Variants in TNFRSF19 observed in about 807,000 individuals in gnomAD.
TNFRSF19 encodes tumor necrosis factor receptor superfamily member 19.
TNFRSF19 carries 27 observed loss-of-function variants against 46.4 expected under a neutral mutation model. The observed-to-expected ratio is 0.58, with a 90% confidence interval of 0.43 to 0.80. The LOEUF is 0.80. Ranked by LOEUF, TNFRSF19 falls within the 30% of genes least tolerant of loss-of-function variation. The pLI is 0.00. For synonymous variants in TNFRSF19, 204 were observed against 205.0 expected, an observed-to-expected ratio of 1.00 and a Z score of 0.04; for missense variants, 511 against 530.8, an observed-to-expected ratio of 0.96 and a Z score of 0.37.
chr13:23,624,467 T>C (rs1310042703), intron 4 of TNFRSF19, among the ~76,000 whole-genome samples: 1 of 152,160 alleles, frequency 6.6e-6, no homozygotes, highest in Non-Finnish European at 1.5e-5. Context: ...AATTTCTGAA[T>C]GTATCTGGGC....
chr13:23,616,892 T>TA (rs1021724114), intron 4 of TNFRSF19, among the ~76,000 whole-genome samples: 2 of 152,236 alleles, frequency 1.3e-5, no homozygotes, highest in African/African-American at 4.8e-5. Flanking sequence ...TATAGGGTTT[T>TA]AAAAAATATT....
At chr13:23,606,668 A>T (rs1271739956) in intron 3 of TNFRSF19, among the ~76,000 whole-genome samples, 1 of 152,242 alleles carries the variant, frequency 6.6e-6, no homozygotes, top group Non-Finnish European at 1.5e-5. Context: ...GTTATAAATC[A>T]TATATTTTGC....
chr13:23,669,606 G>A, intron 9 of TNFRSF19: 1 of 985,208 alleles, frequency 1.0e-6, no homozygotes. Flanking sequence ...GATTGATTTG[G>A]CTGGAAATTG....
At chr13:23,638,156 G>A (rs572568407) in intron 5 of TNFRSF19, among the ~76,000 whole-genome samples, 1 of 87,430 alleles carries the variant, frequency 1.1e-5, no homozygotes, top group South Asian at 2.9e-4. Context: ...GATAAACACA[G>A]CAAGACGTTA....
At position 23,674,014 on chromosome 13, in the gene TNFRSF19, T is replaced by C. The variant is rs1951793487; in HGVS notation, c.*634T>C. 6.6e-6 allele frequency: 1 copy of C among 152,160 alleles called. No homozygotes were observed. Among genetic ancestry groups the C allele is most frequent in the Non-Finnish European group, 1.5e-5 (1 of 68,036 alleles). The allele number at this position is 152,160 out of a possible 1,614,324, so 9.4% of individuals were successfully genotyped here. On this transcript the variant is annotated 3_prime_UTR_variant, in exon 10 of 10. Coordinates refer to ENST00000248484, the MANE Select transcript of TNFRSF19 (RefSeq NM_148957.4). ...GAATCAGACAGAGGAGGATAGCTCT[T>C]TCCAGAATCCACACTTCTGACCTCA...
intron 5 of TNFRSF19, among the ~76,000 whole-genome samples, chr13:23,629,874 T>C (rs1293792445): frequency 6.6e-6 from 1 of 152,154 alleles, no homozygotes; most frequent in Non-Finnish European, 1.5e-5. Context: ...GGTCTGCTGC[T>C]TTGGAGTTGT....
chr13:23,626,981 C>T (rs1042478961), intron 5 of TNFRSF19, among the ~76,000 whole-genome samples, 189 bp downstream of exon 5: 2 of 152,188 alleles, frequency 1.3e-5, no homozygotes, highest in African/African-American at 2.4e-5. Context: ...AGTCAGCAAA[C>T]CGGTCCCAGG....
At chr13:23,672,160 A>G (rs1222881887) in intron 9 of TNFRSF19, among the ~76,000 whole-genome samples, 1 of 152,216 alleles carries the variant, frequency 6.6e-6, no homozygotes, top group Non-Finnish European at 1.5e-5. Context: ...ATTTAAGATG[A>G]CCCATAATCT....
At chr13:23,662,518 T>C (rs1426296800) in intron 7 of TNFRSF19, among the ~76,000 whole-genome samples, 2 of 152,230 alleles carry the variant, frequency 1.3e-5, no homozygotes, top group Non-Finnish European at 2.9e-5. Flanking sequence ...AGGGTCTATT[T>C]TGGTTCCATA....
chr13:23,605,391 G>A (rs1880441297), intron 3 of TNFRSF19, among the ~76,000 whole-genome samples: 1 of 152,182 alleles, frequency 6.6e-6, no homozygotes, highest in African/African-American at 2.4e-5. Flanking sequence ...CAGCCATTTG[G>A]AAGACAACTT....
At chr13:23,635,946 A>T (rs1882648588) in intron 5 of TNFRSF19, among the ~76,000 whole-genome samples, 1 of 152,234 alleles carries the variant, frequency 6.6e-6, no homozygotes, top group Non-Finnish European at 1.5e-5. Context: ...TGTATAACTT[A>T]TGTAATCATT....
intron 3 of TNFRSF19, chr13:23,594,308 C>T: frequency 2.2e-6 from 1 of 452,074 alleles, no homozygotes; most frequent in Non-Finnish European, 4.4e-6. Flanking sequence ...TGGTCTAGCT[C>T]AGCAGATCCA....
At chr13:23,664,033 G>T (rs1275967486) in intron 7 of TNFRSF19, among the ~76,000 whole-genome samples, 2 of 151,934 alleles carry the variant, frequency 1.3e-5, no homozygotes, top group African/African-American at 2.4e-5. Context: ...CTTGTCTTCT[G>T]CTGGCTTTAG....
In TNFRSF19 at chr13:23,651,642, G is replaced by A. The variant is rs2138366418; in HGVS notation, c.446-7408G>A. ...GCTTTAAAATAACACATAAAATGAAGTTTATAAGCCATATGTTGTTTTTTA... is the reference window on the plus strand; with the variant it reads ...GCTTTAAAATAACACATAAAATGAAATTTATAAGCCATATGTTGTTTTTTA... On this transcript the variant is annotated intron_variant, in intron 5 of 9. Coordinates refer to ENST00000248484, the MANE Select transcript of TNFRSF19 (RefSeq NM_148957.4). Among the ~76,000 whole-genome samples the A allele has an allele frequency of 2.0e-5, 3 of 152,156 alleles. No homozygotes were observed. The Middle Eastern group carries it at 0.01, about 518-fold the overall frequency.
chr13:23,586,275 AAG>A, intron 1 of TNFRSF19, among the ~76,000 whole-genome samples: 1 of 151,486 alleles, frequency 6.6e-6, no homozygotes, highest in South Asian at 2.1e-4. Context: ...AAAAAAAAAA[AAG>A]AAAAGACATG....
At chr13:23,614,479 G>A (rs902300829) in intron 3 of TNFRSF19, among the ~76,000 whole-genome samples, 1 of 152,154 alleles carries the variant, frequency 6.6e-6, no homozygotes, top group Non-Finnish European at 1.5e-5. Flanking sequence ...AAATGGGAAT[G>A]TTGAACTAGG....
chr13:23,588,954 G>C (rs9805166), intron 1 of TNFRSF19, among the ~76,000 whole-genome samples: 172 of 152,286 alleles, frequency 1.1e-3, no homozygotes, highest in Admixed American at 1.9e-3. Context: ...AGCCACTTCC[G>C]GGGCACCCGT....
At chr13:23,600,640 A>T (rs957900062) in intron 3 of TNFRSF19, among the ~76,000 whole-genome samples, 54 of 152,318 alleles carry the variant, frequency 3.5e-4, no homozygotes, top group African/African-American at 1.3e-3. Flanking sequence ...AGAAACACAT[A>T]CACCAAAGGC....
intron 7 of TNFRSF19, among the ~76,000 whole-genome samples, chr13:23,661,700 A>G (rs1331326758): frequency 6.6e-6 from 1 of 152,154 alleles, no homozygotes; most frequent in Non-Finnish European, 1.5e-5. Flanking sequence ...CCTTGCCAGC[A>G]TATGTTATTT....
Sources: gnomAD v4.1 joint callset for allele counts (sites outside exome capture counted in the v4.1 genomes callset) on GRCh38, gnomAD v4.1.1 for gene constraint, MANE v1.5 for transcripts, NCBI Gene and HGNC (gene_info 2026-07-23, HGNC 2026-07-21) for gene names.